The following ZNF516 variants were observed in gnomAD, a reference collection of about 807,000 sequenced individuals.
ZNF516 encodes the protein zinc finger protein 516.
In ZNF516, 19 loss-of-function variants were observed where a neutral mutation model predicts 79.7. The ratio of observed to expected loss-of-function variants is 0.24; its 90% CI spans 0.17 to 0.35. The LOEUF (loss-of-function observed/expected upper bound fraction) is 0.35, where lower values mean the gene tolerates loss of function less well. Ranked by LOEUF, ZNF516 falls within the 10% of genes least tolerant of loss-of-function variation. The probability of loss-of-function intolerance (pLI) is 1.00; values close to 1 mark genes in which losing one functional copy is unlikely to be tolerated. For synonymous variants in ZNF516, 877 were observed against 739.5 expected, an observed-to-expected ratio of 1.19 and a Z score of -3.02; for missense variants, 1,678 against 1,679.5, an observed-to-expected ratio of 1.00 and a Z score of 0.02.
intron 3 of ZNF516, among the ~76,000 whole-genome samples, chr18:76,425,336 G>A (rs1375719459): frequency 1.3e-5 from 2 of 152,224 alleles, no homozygotes; most frequent in African/African-American, 2.4e-5. Context: ...AAAGAATGGT[G>A]ATTGGCCACG....
chr18:76,436,968 G>A (rs754076740), intron 3 of ZNF516, among the ~76,000 whole-genome samples: 3 of 152,048 alleles, frequency 2.0e-5, no homozygotes, highest in Non-Finnish European at 4.4e-5. Flanking sequence ...TCTGGAGGCT[G>A]AGGTGAAAGG....
chr18:76,373,811 A>G (rs2074745762), intron 4 of ZNF516, among the ~76,000 whole-genome samples: 1 of 152,266 alleles, frequency 6.6e-6, no homozygotes, highest in Non-Finnish European at 1.5e-5. Context: ...TTTACTTTTT[A>G]AAGACAGGGC....
intron 3 of ZNF516, among the ~76,000 whole-genome samples, chr18:76,402,823 C>A (rs111347466): frequency 1.3e-5 from 2 of 152,264 alleles, no homozygotes; most frequent in African/African-American, 4.8e-5. Context: ...CTGGCAGCTG[C>A]CGTCTGCGCT....
chr18:76,482,672 T>G (rs1436677088), intron 1 of ZNF516, among the ~76,000 whole-genome samples: 4 of 152,228 alleles, frequency 2.6e-5, no homozygotes, highest in Admixed American at 6.5e-5. Flanking sequence ...GGCAGCCCTG[T>G]CGTAAATTAG....
intron 1 of ZNF516, among the ~76,000 whole-genome samples, chr18:76,470,041 T>C (rs547684683): frequency 1.3e-5 from 2 of 152,230 alleles, no homozygotes; most frequent in African/African-American, 2.4e-5. Flanking sequence ...CATCTTTAAA[T>C]GGTATTATCC....
rs1254181465 is a variant in ZNF516 at position 76,495,230 on chromosome 18, C to G, written c.-358G>C. The G allele has an allele frequency of 6.8e-6, 1 of 147,348 alleles. No individual in the cohort carries two copies. Among genetic ancestry groups the G allele is most frequent in the Admixed American group, 6.7e-5 (1 of 14,868 alleles). 9.1% of individuals were successfully genotyped at this position (147,348 alleles called of 1,614,324 possible). ...AAGCCGAGCGCCCGCGGCGCGGAGC[C>G]GAGCGCTGCACTAGACCGACCGCGC... On this transcript the variant is annotated 5_prime_UTR_variant, in exon 1 of 7. Transcript: ENST00000443185.
intron 2 of ZNF516, among the ~76,000 whole-genome samples, chr18:76,450,343 C>G (rs1007077357): frequency 3.0e-4 from 45 of 150,280 alleles, no homozygotes; most frequent in African/African-American, 1.1e-3. Context: ...GCCCCTCCCC[C>G]TCCCCCACTC....
rs141320016 is a variant in ZNF516, at chr18:76,426,445, G to C, written c.1810+14800C>G. Among the ~76,000 whole-genome samples, 113 of 152,284 alleles carry C rather than the reference G, an allele frequency of 7.4e-4. 1 individual carries two copies. The South Asian group carries it at 0.017, about 23-fold the overall frequency. On this transcript the variant is annotated intron_variant, in intron 3 of 6. Transcript: ENST00000443185. ...CACCAGCTCAAATACGGCATGTCCA[G>C]TTATCTAAAATACAGATTTTCAGAT...
In ZNF516 at chr18:76,442,941, G is replaced by C. The variant is rs370320760; in HGVS notation, c.114C>G (p.Ile38Met). 1.9e-6 allele frequency: 3 copies of C among 1,610,858 alleles called. No individual in the cohort carries two copies. In the African/African-American group the frequency reaches 4.0e-5, roughly 21 times the overall value. ...GDKATCHTCC[I>M]CGKSFPFQSS... ...TCTGGAAGGGGAAGCTCTTGCCGCA[G>C]ATGCAGCAGGTGTGGCAGGTAGCCT... The change falls in exon 3 of 7, where the codon ATC becomes ATG. Residue 38 changes from isoleucine (I) to methionine (M), a missense_variant. Transcript: ENST00000443185.
chr18:76,377,714 T>C (rs563193660), intron 4 of ZNF516, among the ~76,000 whole-genome samples: 53 of 148,972 alleles, frequency 3.6e-4, no homozygotes, highest in Admixed American at 6.1e-4. Flanking sequence ...CTTACAACGT[T>C]ATTTTTTTTT....
At chr18:76,447,370 T>C (rs760254349) in intron 2 of ZNF516, among the ~76,000 whole-genome samples, 1 of 152,224 alleles carries the variant, frequency 6.6e-6, no homozygotes, top group Non-Finnish European at 1.5e-5. Context: ...TGGTCCCTAG[T>C]GGGGCGTGCC....
chr18:76,441,209 T>A (rs1199167825), intron 3 of ZNF516, 36 bp downstream of exon 3: 1 of 1,589,262 alleles, frequency 6.3e-7, no homozygotes. Context: ...GAGCCTGGGA[T>A]CCCAGGACCC....
At chr18:76,478,477 T>C (rs1188966348) in intron 1 of ZNF516, among the ~76,000 whole-genome samples, 1 of 152,210 alleles carries the variant, frequency 6.6e-6, no homozygotes, top group African/African-American at 2.4e-5. Context: ...AAATAACATC[T>C]ACCTAAATGA....
Position 76,443,183 on chromosome 18 carries a change from T to C in ZNF516, c.-129A>G. On this transcript the variant is annotated 5_prime_UTR_variant, in exon 3 of 7. An upstream start codon of the reference 5' UTR is lost. Transcript: ENST00000443185. ...GCTCCCAGGAGGTGCACCTTCTACA[T>C]GGGGGGCGCAGCAGCTGGCAGCCAG... 2 of 1,361,242 alleles carry C rather than the reference T, an allele frequency of 1.5e-6. No homozygotes were observed. The highest frequency in any genetic ancestry group is 3.2e-5 in the South Asian group (2 of 62,904). The allele number at this position is 1,361,242 out of a possible 1,614,324, so 84.3% of individuals were successfully genotyped here.
At position 76,379,061 on chromosome 18, in the gene ZNF516, G is replaced by T. The variant is rs367766643; in HGVS notation, c.3053C>A (p.Ala1018Glu). 1 of 1,610,580 alleles carries T rather than the reference G, an allele frequency of 6.2e-7. No individual in the cohort carries two copies. The highest frequency in any genetic ancestry group is 1.1e-5 in the South Asian group (1 of 91,052). The change falls in exon 4 of 7, where the codon GCG becomes GAG. Residue 1018 changes from alanine to glutamate, a missense_variant. This residue lies in a region of ZNF516 where 1,294 missense variants were observed against 1,248.3 expected (regional missense o/e 1.04). Transcript: ENST00000443185. ...QELRTLATCA[A>E]GSRGDAALQA... The stretch of plus-strand genomic sequence containing the variant: ...CAAGGCCGCGTCGCCCCTGGACCCC[G>T]CAGCACAGGTGGCCAGAGTCCTCAG...
chr18:76,470,780 C>T (rs1456813935), intron 1 of ZNF516, among the ~76,000 whole-genome samples: 4 of 152,114 alleles, frequency 2.6e-5, no homozygotes, highest in East Asian at 3.9e-4. Flanking sequence ...TTTGGGAGGT[C>T]GAGGCGGGCG....
intron 3 of ZNF516, among the ~76,000 whole-genome samples, chr18:76,411,834 C>T (rs1029186030): frequency 1.3e-5 from 2 of 152,108 alleles, no homozygotes; most frequent in Admixed American, 6.6e-5. Context: ...TGCCTGAAAA[C>T]GTGTACCACC....
chr18:76,391,729 C>G (rs374806281), intron 3 of ZNF516, among the ~76,000 whole-genome samples: 5 of 152,334 alleles, frequency 3.3e-5, no homozygotes, highest in African/African-American at 9.6e-5. Flanking sequence ...AAATTAGAAA[C>G]AGGGACTTCC....
intron 2 of ZNF516, among the ~76,000 whole-genome samples, chr18:76,458,788 C>T (rs1252060512): frequency 1.4e-5 from 2 of 147,572 alleles, no homozygotes; most frequent in Admixed American, 6.8e-5. Context: ...CGTGCCTCAC[C>T]GTCGTGCGTG....
Sources: gnomAD v4.1 joint callset for allele counts (sites outside exome capture counted in the v4.1 genomes callset) on GRCh38, gnomAD v4.1.1 for gene constraint, gnomAD v4.1.1 regional missense constraint, MANE v1.5 for transcripts, NCBI Gene and HGNC (gene_info 2026-07-23, HGNC 2026-07-21) for gene names.